Variants in VRK2 observed in about 807,000 individuals in gnomAD.
VRK2 encodes serine/threonine-protein kinase VRK2.
VRK2 carries 60 observed loss-of-function variants against 57.6 expected under a neutral mutation model. The observed-to-expected ratio is 1.04, with a 90% CI of 0.85 to 1.29. The LOEUF (loss-of-function observed/expected upper bound fraction) is 1.29. VRK2 is among the 50% of genes most tolerant of loss of function. VRK2 has a pLI of 0.00. For missense variants in VRK2, 705 were observed against 588.1 expected, an observed-to-expected ratio of 1.20 and a Z score of -2.06; for synonymous variants, 231 against 199.2, an observed-to-expected ratio of 1.16 and a Z score of -1.35.
chr2:58,032,078 T>C (rs1411481445), intron 2 of VRK2, among the ~76,000 whole-genome samples: 3 of 152,078 alleles, frequency 2.0e-5, no homozygotes, highest in Admixed American at 6.6e-5. Context: ...AAATTATTTC[T>C]TACTTCTACA....
At chr2:58,102,767 G>T (rs1477558612) in intron 7 of VRK2, among the ~76,000 whole-genome samples, 1 of 151,376 alleles carries the variant, frequency 6.6e-6, no homozygotes, top group Non-Finnish European at 1.5e-5. Flanking sequence ...GATATTCCAA[G>T]AGCTGCAGAA....
chr2:58,082,927 T>C (rs905665502), intron 2 of VRK2, among the ~76,000 whole-genome samples: 7 of 151,852 alleles, frequency 4.6e-5, no homozygotes, highest in African/African-American at 1.4e-4. Flanking sequence ...TTTATATATT[T>C]TAATAAAATT....
rs1382902188 is a variant in VRK2, at chr2:58,137,156, T to TTATATATATCATATATATCATATATATCA, written c.856+1973_856+1974insATCATATATATCATATATATATCATATAT. 6.8e-3 allele frequency among the ~76,000 whole-genome samples: 167 copies of TTATATATATCATATATATCATATATATCA among 24,438 alleles called. 8 individuals are homozygous for TTATATATATCATATATATCATATATATCA. Among genetic ancestry groups the TTATATATATCATATATATCATATATATCA allele is most frequent in the African/African-American group, 0.02 (161 of 8,058 alleles). The allele number at this position is 24,438 out of a possible 152,430, so 16.0% of individuals were successfully genotyped here. A position where few individuals can be genotyped will look rare whatever the true frequency, so the allele number is the denominator to read the frequency against. ...ATCATATATCATATATATCATGTGT[T>TTATATATATCATATATATCATATATATCA]TATATATATCATATATCATATATAT... is the stretch of plus-strand genomic sequence containing the variant. On this transcript the variant is annotated intron_variant, in intron 10 of 12. Transcript: ENST00000340157.
intron 1 of VRK2, among the ~76,000 whole-genome samples, chr2:57,992,979 C>T (rs897375085): frequency 6.6e-6 from 1 of 152,176 alleles, no homozygotes; most frequent in African/African-American, 2.4e-5. Flanking sequence ...AGTTTTTCAA[C>T]TCTTAGTACC....
At chr2:58,116,707 G>A (rs1284056936) in intron 7 of VRK2, among the ~76,000 whole-genome samples, 11 of 152,106 alleles carry the variant, frequency 7.2e-5, no homozygotes, top group Non-Finnish European at 1.5e-4. Context: ...CCAAGAAGGA[G>A]TCAGTCAGAG....
At chr2:58,136,841 A>ATGTG in intron 10 of VRK2, among the ~76,000 whole-genome samples, 1 of 134,440 alleles carries the variant, frequency 7.4e-6, no homozygotes, top group South Asian at 2.2e-4. Flanking sequence ...TATATCATAT[A>ATGTG]TATTATATCA....
intron 7 of VRK2, among the ~76,000 whole-genome samples, chr2:58,096,761 A>C (rs1452253033): frequency 6.6e-6 from 1 of 151,158 alleles, no homozygotes; most frequent in African/African-American, 2.4e-5. Context: ...TTTTAGTTTT[A>C]CCTTTCTCTT....
intron 2 of VRK2, among the ~76,000 whole-genome samples, chr2:58,081,994 C>T (rs980232597): frequency 6.6e-6 from 1 of 151,110 alleles, no homozygotes; most frequent in African/African-American, 2.4e-5. Context: ...ATAAAAAGAC[C>T]CCCGTGGTAA....
chr2:58,063,966 G>A (rs1359761293), intron 2 of VRK2, among the ~76,000 whole-genome samples: 3 of 152,080 alleles, frequency 2.0e-5, no homozygotes, highest in African/African-American at 7.2e-5. Context: ...CAGTGAAGAA[G>A]CAACTATAGA....
intron 10 of VRK2, among the ~76,000 whole-genome samples, chr2:58,136,877 T>TATTA (rs70954876): frequency 7.0e-5 from 8 of 114,188 alleles, no homozygotes; most frequent in East Asian, 6.9e-4. Context: ...ATATCATATA[T>TATTA]TATATCATAT....
At chr2:57,932,527 A>C (rs372185881) in intron 1 of VRK2, among the ~76,000 whole-genome samples, 41 of 152,252 alleles carry the variant, frequency 2.7e-4, no homozygotes, top group African/African-American at 9.9e-4. Context: ...ATTTCTGTGG[A>C]ATCAGCTATA....
chr2:58,106,098 C>T (rs1674710254), intron 7 of VRK2, among the ~76,000 whole-genome samples: 2 of 151,954 alleles, frequency 1.3e-5, no homozygotes, highest in South Asian at 4.2e-4. Context: ...TCTTCCATTG[C>T]TTTTTTAATT....
chr2:58,009,353 G>A (rs1673349657), intron 1 of VRK2, among the ~76,000 whole-genome samples: 1 of 151,768 alleles, frequency 6.6e-6, no homozygotes, highest in Non-Finnish European at 1.5e-5. Flanking sequence ...ACCTCTCAAG[G>A]TGTACCATGG....
chr2:57,915,059 T>A (rs545751698), intron 1 of VRK2, among the ~76,000 whole-genome samples: 12 of 152,226 alleles, frequency 7.9e-5, no homozygotes, highest in Non-Finnish European at 1.2e-4. Context: ...TAAAATGAAA[T>A]GTACATAATA....
At chr2:58,014,906 G>C (rs1673529171) in intron 1 of VRK2, among the ~76,000 whole-genome samples, 1 of 152,116 alleles carries the variant, frequency 6.6e-6, no homozygotes, top group Non-Finnish European at 1.5e-5. Flanking sequence ...CAGAACCCAA[G>C]TGGAAACTCT....
intron 7 of VRK2, among the ~76,000 whole-genome samples, chr2:58,104,877 A>G (rs1233264634): frequency 2.6e-5 from 4 of 152,026 alleles, no homozygotes; most frequent in Non-Finnish European, 5.9e-5. Context: ...GATCAGTGGA[A>G]CAGAATAGAG....
At chr2:57,932,992 C>G (rs1288790885) in intron 1 of VRK2, among the ~76,000 whole-genome samples, 1 of 151,856 alleles carries the variant, frequency 6.6e-6, no homozygotes, top group African/African-American at 2.4e-5. Context: ...AATTTTATTC[C>G]TGTTATTGAT....
intron 2 of VRK2, among the ~76,000 whole-genome samples, chr2:58,028,882 T>TAATAAATA (rs1297414255): frequency 3.8e-5 from 4 of 104,666 alleles, no homozygotes; most frequent in South Asian, 3.6e-4. Context: ...ACTTAAAGTA[T>TAATAAATA]AATAAATAAA....
At chr2:57,978,527 A>G (rs1672318181) in intron 1 of VRK2, among the ~76,000 whole-genome samples, 1 of 151,078 alleles carries the variant, frequency 6.6e-6, no homozygotes, top group South Asian at 2.1e-4. Context: ...TCTTTATGAA[A>G]TTTCAAACAT....
Sources: allele counts gnomAD v4.1 joint callset (sites outside exome capture counted in the v4.1 genomes callset), GRCh38; gene constraint gnomAD v4.1.1; transcripts MANE v1.5; gene names NCBI Gene and HGNC (gene_info 2026-07-23, HGNC 2026-07-21).